Variants in PGAP6 observed in about 807,000 individuals in gnomAD.
PGAP6 encodes post-GPI attachment to proteins 6, also known as post-GPI attachment to proteins factor 6.
A neutral mutation model predicts 68.4 loss-of-function variants in PGAP6; 62 were observed. The ratio of observed to expected loss-of-function variants is 0.91; its 90% CI spans 0.74 to 1.12. The LOEUF (loss-of-function observed/expected upper bound fraction) is 1.12. PGAP6 is among the 50% of genes most tolerant of loss of function. The probability of loss-of-function intolerance (pLI) is 0.00; values close to 1 mark genes in which losing one functional copy is unlikely to be tolerated. For missense variants in PGAP6, 1,188 were observed against 1,068.5 expected, an observed-to-expected ratio of 1.11 and a Z score of -1.56; for synonymous variants, 575 against 474.0, an observed-to-expected ratio of 1.21 and a Z score of -2.77.
At chr16:374,649 G>C (rs975944130) in intron 9 of PGAP6, 107 bp downstream of exon 9, 33 of 1,462,306 alleles carry the variant, frequency 2.3e-5, no homozygotes, top group Non-Finnish European at 2.9e-5. Flanking sequence ...TGCTCTGCAA[G>C]GGTCTCTCTC....
upstream of PGAP6, among the ~76,000 whole-genome samples, chr16:383,977 G>A (rs1047200011): frequency 5.9e-5 from 9 of 152,212 alleles, no homozygotes; most frequent in African/African-American, 1.9e-4. Flanking sequence ...TTTGTTTCCC[G>A]GGAATCCCAG....
Position 377,840 on chromosome 16 carries a change from G to GC in PGAP6, c.129dup (p.Leu44AlafsTer139). On this transcript the variant is annotated frameshift_variant, in exon 2 of 13. Transcript: ENST00000431232. LOFTEE classifies it high-confidence loss of function. Reference sequence around the variant, plus strand: ...GCCTGCGAGAAGTGCTCGGACACCAGCCCCACCTCTGTGAGGAGAAGGAGG... The same window carrying GC: ...GCCTGCGAGAAGTGCTCGGACACCAGCCCCCACCTCTGTGAGGAGAAGGAGG... The GC allele has an allele frequency of 1.9e-6, 3 of 1,557,196 alleles. No homozygotes were observed. The highest frequency in any genetic ancestry group is 2.6e-6 in the Non-Finnish European group (3 of 1,150,996).
intron 1 of PGAP6, among the ~76,000 whole-genome samples, chr16:380,357 TTTC>T: frequency 6.9e-6 from 1 of 144,478 alleles, no homozygotes; most frequent in Non-Finnish European, 1.5e-5. Flanking sequence ...GTTATTTTTT[TTTC>T]TTTCTGTCTT....
Position 377,780 on chromosome 16 carries a change from T to G in PGAP6, c.190A>C (p.Ser64Arg). The G allele has an allele frequency of 6.3e-7, 1 of 1,585,830 alleles. No individual in the cohort carries two copies. The highest frequency in any genetic ancestry group is 8.6e-7 in the Non-Finnish European group (1 of 1,166,778). ...ACGCGGAAGCGGAAGAGCCTGGCAC[T>G]GCCGTACCAGCTGTAGAAGGACAGC... The part of the protein sequence containing the change: ...QRLSFYSWYG[S>R]ARLFRFRVPP... The change falls in exon 2 of 13, where the codon AGT becomes CGT. Residue 64 changes from serine (S) to arginine (R), a missense_variant. By Grantham distance (110) the Ser-to-Arg change is moderately radical. Coordinates refer to ENST00000431232, the MANE Select transcript of PGAP6 (RefSeq NM_021259.3).
At chr16:383,856 G>T (rs1034607053), upstream of PGAP6, among the ~76,000 whole-genome samples, 2 of 152,134 alleles carry the variant, frequency 1.3e-5, no homozygotes, top group Admixed American at 1.3e-4. Context: ...TTTACGGAGC[G>T]GGGGAGGGGA....
intron 1 of PGAP6, among the ~76,000 whole-genome samples, chr16:378,299 C>A (rs1483918728): frequency 2.9e-5 from 3 of 105,216 alleles, no homozygotes; most frequent in Admixed American, 9.4e-5. Context: ...GCCACCCGCA[C>A]TGCCATCGCC....
At chr16:385,524 G>A (rs112894391), upstream of PGAP6, among the ~76,000 whole-genome samples, 15 of 132,844 alleles carry the variant, frequency 1.1e-4, no homozygotes, top group Non-Finnish European at 2.2e-4. Context: ...TGTTAGCCAG[G>A]ATGGTCTCGA....
chr16:378,719 T>C (rs1392634999), intron 1 of PGAP6, among the ~76,000 whole-genome samples: 5 of 152,282 alleles, frequency 3.3e-5, no homozygotes, highest in Admixed American at 3.3e-4. Context: ...TGGGCTATGA[T>C]GACTTTGGAC....
At chr16:384,550 C>G (rs2054468998), upstream of PGAP6, among the ~76,000 whole-genome samples, 1 of 152,142 alleles carries the variant, frequency 6.6e-6, no homozygotes, top group Admixed American at 6.5e-5. Context: ...AATTATTGTG[C>G]CAACATTAAA....
Sources: allele counts gnomAD v4.1 joint callset (sites outside exome capture counted in the v4.1 genomes callset), GRCh38; gene constraint gnomAD v4.1.1; transcripts MANE v1.5; gene names NCBI Gene and HGNC (gene_info 2026-07-23, HGNC 2026-07-21).